ETFA: variants seen among roughly 807,000 people sequenced by gnomAD.
The protein encoded by ETFA is electron transfer flavoprotein subunit alpha, mitochondrial.
In ETFA, 22 loss-of-function variants were observed where a neutral mutation model predicts 46.2. The ratio of observed to expected loss-of-function variants is 0.48; its 90% confidence interval spans 0.34 to 0.68. The LOEUF is 0.68. ETFA is among the 30% of genes least tolerant of loss of function. The pLI is 0.01. For synonymous variants in ETFA, 131 were observed against 139.9 expected, an observed-to-expected ratio of 0.94 and a Z score of 0.45; for missense variants, 345 against 401.1, an observed-to-expected ratio of 0.86 and a Z score of 1.19.
chr15:76,260,222 C>T (rs1596204413), intron 9 of ETFA: 1 of 1,290,452 alleles, frequency 7.7e-7, no homozygotes, highest in Non-Finnish European at 1.1e-6. Flanking sequence ...CCAAGCTTTC[C>T]AATGTGGCCT....
At chr15:76,273,134 T>C (rs572593169) in intron 9 of ETFA, among the ~76,000 whole-genome samples, 1 of 152,098 alleles carries the variant, frequency 6.6e-6, no homozygotes, top group African/African-American at 2.4e-5. Flanking sequence ...AGTCCTAGCA[T>C]GGGAAAAATA....
At chr15:76,225,188 G>A (rs1291868764) in intron 11 of ETFA, among the ~76,000 whole-genome samples, 1 of 152,186 alleles carries the variant, frequency 6.6e-6, no homozygotes, top group East Asian at 1.9e-4. Context: ...TTTCTTTAGG[G>A]TACCTGCCAA....
intron 1 of ETFA, among the ~76,000 whole-genome samples, chr15:76,308,382 A>G (rs1053450187): frequency 4.6e-5 from 7 of 152,210 alleles, no homozygotes. Flanking sequence ...CTGGCAAACA[A>G]CACTTTGGCT....
At chr15:76,290,750 TAGA>T (rs1024856958) in intron 4 of ETFA, among the ~76,000 whole-genome samples, 5 of 152,152 alleles carry the variant, frequency 3.3e-5, no homozygotes, top group Non-Finnish European at 7.3e-5. Context: ...TAAAAATCCA[TAGA>T]AGGAGGCCTA....
intron 9 of ETFA, among the ~76,000 whole-genome samples, chr15:76,258,513 A>G (rs1276246202): frequency 6.6e-6 from 1 of 152,156 alleles, no homozygotes. Context: ...TATTACAAGA[A>G]CATCTCTTTG....
chr15:76,261,842 T>C lies in ETFA; in HGVS notation c.816+12570A>G, dbSNP rs531631571. On this transcript the variant is annotated intron_variant, in intron 9 of 11. Transcript: ENST00000557943. ...TTTCTAAATGAACAATGCATAATAT[T>C]ATAAAGTGGTAAAATATTCACTCAG... 2.0e-5 allele frequency among the ~76,000 whole-genome samples: 3 copies of C among 152,276 alleles called. No individual in the cohort carries two copies. In the South Asian group the frequency reaches 6.2e-4, roughly 32 times the overall value.
At chr15:76,311,084 G>A (rs751806273) in intron 1 of ETFA, among the ~76,000 whole-genome samples, 1 of 152,178 alleles carries the variant, frequency 6.6e-6, no homozygotes, top group African/African-American at 2.4e-5. Flanking sequence ...GCAGAGAGTG[G>A]GCCAGAAGAA....
intron 9 of ETFA, chr15:76,260,360 G>A (rs1360073564): frequency 6.9e-6 from 10 of 1,447,440 alleles, no homozygotes; most frequent in Non-Finnish European, 9.7e-6. Context: ...TTTGAAGCAA[G>A]ATGAGGGCCA....
chr15:76,262,835 A>T (rs987854724), intron 9 of ETFA, among the ~76,000 whole-genome samples: 4 of 152,182 alleles, frequency 2.6e-5, no homozygotes, highest in African/African-American at 7.2e-5. Context: ...TGAAAGCAAC[A>T]ACAAAAAACA....
At chr15:76,297,308 C>T (rs1308666552) in intron 1 of ETFA, among the ~76,000 whole-genome samples, 1 of 151,680 alleles carries the variant, frequency 6.6e-6, no homozygotes, top group African/African-American at 2.4e-5. Flanking sequence ...ATATGGTACC[C>T]TTTCTTTTTT....
At chr15:76,296,472 T>C (rs1000923595) in intron 1 of ETFA, among the ~76,000 whole-genome samples, 4 of 152,190 alleles carry the variant, frequency 2.6e-5, no homozygotes, top group Non-Finnish European at 4.4e-5. Context: ...TCCTACAGTA[T>C]AGGAGTACAG....
Position 76,238,763 on chromosome 15 carries a change from A to G in ETFA, c.817-7365T>C, listed in dbSNP as rs186692827. On this transcript the variant is annotated intron_variant, in intron 9 of 11. Transcript: ENST00000557943. ...TATATTTCATCCTGCTGCTCATTTA[A>G]AAGGCCAAACTATTTCCTTTGTTTG... Among the ~76,000 whole-genome samples the G allele has an allele frequency of 2.2e-3, 330 of 152,286 alleles. 2 individuals carry two copies. The highest frequency in any genetic ancestry group is 6.9e-3 in the African/African-American group (286 of 41,558).
intron 9 of ETFA, among the ~76,000 whole-genome samples, chr15:76,239,734 TCCCTAA>T (rs1320809591): frequency 1.3e-5 from 2 of 148,760 alleles, no homozygotes; most frequent in African/African-American, 5.0e-5. Flanking sequence ...TAGAGAAAGA[TCCCTAA>T]AACAAGATGA....
intron 7 of ETFA, among the ~76,000 whole-genome samples, chr15:76,285,385 G>C (rs1472233898): frequency 6.6e-6 from 1 of 152,132 alleles, no homozygotes; most frequent in East Asian, 1.9e-4. Flanking sequence ...GCACCAAGTG[G>C]CAAAGTTATG....
intron 9 of ETFA, among the ~76,000 whole-genome samples, chr15:76,266,436 C>T (rs535772845): frequency 6.6e-6 from 1 of 152,262 alleles, no homozygotes; most frequent in Admixed American, 6.5e-5. Context: ...TTATATTATC[C>T]ATTACATGGA....
At chr15:76,248,686 C>A (rs1336186368) in intron 9 of ETFA, among the ~76,000 whole-genome samples, 1 of 151,996 alleles carries the variant, frequency 6.6e-6, no homozygotes, top group Non-Finnish European at 1.5e-5. Context: ...ATCAGCCTGG[C>A]CAACATGGTG....
At chr15:76,265,677 T>C (rs1172689218) in intron 9 of ETFA, among the ~76,000 whole-genome samples, 2 of 152,184 alleles carry the variant, frequency 1.3e-5, no homozygotes, top group Non-Finnish European at 2.9e-5. Context: ...ATCCAACCTA[T>C]TATTACACCT....
intron 8 of ETFA, 87 bp from the exon 9 acceptor site, chr15:76,274,581 T>G: frequency 9.4e-7 from 1 of 1,060,642 alleles, no homozygotes; most frequent in Non-Finnish European, 1.4e-6. Context: ...ACAAAGACAT[T>G]GATTTAGAAT....
chr15:76,220,898 C>T (rs919670471), intron 11 of ETFA, among the ~76,000 whole-genome samples: 9 of 152,150 alleles, frequency 5.9e-5, no homozygotes, highest in East Asian at 5.8e-4. Context: ...AGGGGGCAGC[C>T]ACTTTGAAAA....
Sources: gnomAD v4.1 joint callset for allele counts (sites outside exome capture counted in the v4.1 genomes callset) on GRCh38, gnomAD v4.1.1 for gene constraint, MANE v1.5 for transcripts, NCBI Gene and HGNC (gene_info 2026-07-23, HGNC 2026-07-21) for gene names.